BBS9: variants seen among roughly 807,000 people sequenced by gnomAD.
BBS9 encodes protein PTHB1.
BBS9 carries 89 observed loss-of-function variants against 117.7 expected under a neutral mutation model. The ratio of observed to expected loss-of-function variants is 0.76; its 90% CI spans 0.64 to 0.90. The LOEUF is 0.90. Ranked by LOEUF, BBS9 falls within the 40% of genes least tolerant of loss-of-function variation. The pLI, the probability that BBS9 is intolerant of heterozygous loss-of-function variation, is 0.00. For synonymous variants in BBS9, 379 were observed against 370.9 expected, an observed-to-expected ratio of 1.02 and a Z score of -0.25; for missense variants, 982 against 1,042.2, an observed-to-expected ratio of 0.94 and a Z score of 0.80.
chr7:33,411,011 G>GTTTTCTTTTTTTTTTTTT (rs1831033488), intron 19 of BBS9, among the ~76,000 whole-genome samples: 1 of 96,424 alleles, frequency 1.0e-5, no homozygotes, highest in South Asian at 3.8e-4. Flanking sequence ...AAATGTTGGT[G>GTTTTCTTTTTTTTTTTTT]TTTTTTTTTT....
rs978623990 is a variant in BBS9 at position 33,388,154 on chromosome 7, A to G, written c.2115+10A>G. The G allele has an allele frequency of 6.2e-7, 1 of 1,613,810 alleles. No individual in the cohort carries two copies. The highest frequency in any genetic ancestry group is 1.3e-5 in the African/African-American group (1 of 75,050). On this transcript the variant is annotated intron_variant, in intron 19 of 22. Coordinates refer to ENST00000242067, the MANE Select transcript of BBS9 (RefSeq NM_198428.3). Reference sequence around the variant, plus strand: ...TGGAACCTACAAGCAGGTCAGTATAATATCAGTAACAGTTTTCTATTACTG... The same window carrying G: ...TGGAACCTACAAGCAGGTCAGTATAGTATCAGTAACAGTTTTCTATTACTG...
chr7:33,548,879 C>G (rs1853879383), intron 21 of BBS9, among the ~76,000 whole-genome samples: 1 of 150,378 alleles, frequency 6.6e-6, no homozygotes, highest in Non-Finnish European at 1.5e-5. Context: ...TCAATGCCAT[C>G]CCCATCAAGC....
intron 19 of BBS9, among the ~76,000 whole-genome samples, chr7:33,465,339 C>T (rs1840012203): frequency 6.6e-6 from 1 of 151,074 alleles, no homozygotes; most frequent in Admixed American, 6.6e-5. Context: ...TTTCCCAATG[C>T]AGATCTCTTC....
chr7:33,319,757 C>A (rs1430684580), intron 9 of BBS9, among the ~76,000 whole-genome samples: 1 of 152,080 alleles, frequency 6.6e-6, no homozygotes, highest in African/African-American at 2.4e-5. Flanking sequence ...GAACAGTCAG[C>A]AGAGTAAACA....
chr7:33,572,773 C>T (rs1323831548), intron 21 of BBS9, among the ~76,000 whole-genome samples: 3 of 152,060 alleles, frequency 2.0e-5, no homozygotes, highest in Non-Finnish European at 2.9e-5. Flanking sequence ...ATCTTTTACC[C>T]ATTTTTAATT....
chr7:33,284,268 A>C lies in BBS9; in HGVS notation c.1016+10312A>C, dbSNP rs555262665. Among the ~76,000 whole-genome samples, 150 of 152,200 alleles carry C rather than the reference A, an allele frequency of 9.9e-4. 1 individual carries two copies. The highest frequency in any genetic ancestry group is 3.4e-3 in the African/African-American group (141 of 41,536). ...TGATTGTGACTGTAGTCATTTCCTC[A>C]TTCAATTTCCTTTTTTTGGGAGGTG... is the stretch of plus-strand genomic sequence containing the variant. On this transcript the variant is annotated intron_variant, in intron 9 of 22. Transcript: ENST00000242067.
chr7:33,501,230 A>G (rs912981482), intron 19 of BBS9, among the ~76,000 whole-genome samples: 9 of 152,120 alleles, frequency 5.9e-5, no homozygotes, highest in Non-Finnish European at 1.0e-4. Flanking sequence ...TAGTTTTTCC[A>G]GTCTTTTTAC....
chr7:33,463,237 G>A (rs976582008), intron 19 of BBS9, among the ~76,000 whole-genome samples: 17 of 152,016 alleles, frequency 1.1e-4, no homozygotes, highest in African/African-American at 3.9e-4. Flanking sequence ...CTTGCTTAGC[G>A]TCACGTAGAC....
At chr7:33,134,151 G>A (rs1185095481) in intron 1 of BBS9, among the ~76,000 whole-genome samples, 2 of 151,566 alleles carry the variant, frequency 1.3e-5, no homozygotes, top group East Asian at 3.9e-4. Flanking sequence ...CCAGGTTCAA[G>A]CAATTCTCCT....
intron 21 of BBS9, among the ~76,000 whole-genome samples, chr7:33,564,632 A>G (rs1241802127): frequency 6.6e-6 from 1 of 152,188 alleles, no homozygotes; most frequent in Non-Finnish European, 1.5e-5. Context: ...GATGTTCTGA[A>G]ACTGCGATAG....
At chr7:33,417,371 A>AT (rs1832180795) in intron 19 of BBS9, among the ~76,000 whole-genome samples, 1 of 152,328 alleles carries the variant, frequency 6.6e-6, no homozygotes, top group African/African-American at 2.4e-5. Context: ...GTTATAATTC[A>AT]TTTAAGTTGG....
intron 9 of BBS9, among the ~76,000 whole-genome samples, chr7:33,290,434 A>C (rs1803796438): frequency 6.6e-6 from 1 of 152,168 alleles, no homozygotes; most frequent in African/African-American, 2.4e-5. Context: ...AAGTTATCTC[A>C]CTGCTTTTTC....
chr7:33,150,153 T>G (rs1035108914), intron 2 of BBS9, among the ~76,000 whole-genome samples: 1 of 152,208 alleles, frequency 6.6e-6, no homozygotes, highest in Admixed American at 6.5e-5. Flanking sequence ...AATCAGTCTC[T>G]GAATGAGCTT....
At chr7:33,506,536 A>G (rs1168308936) in intron 20 of BBS9, among the ~76,000 whole-genome samples, 1 of 152,190 alleles carries the variant, frequency 6.6e-6, no homozygotes, top group Non-Finnish European at 1.5e-5. Flanking sequence ...AGGTAGTTAA[A>G]GTACTGTTTC....
intron 5 of BBS9, among the ~76,000 whole-genome samples, chr7:33,231,423 T>C (rs1291000312): frequency 8.4e-6 from 1 of 119,400 alleles, no homozygotes; most frequent in Non-Finnish European, 1.7e-5. Context: ...CTCTGGCCTA[T>C]GTGTCTTTTT....
intron 19 of BBS9, among the ~76,000 whole-genome samples, chr7:33,469,997 T>C (rs1223704938): frequency 1.3e-5 from 2 of 152,194 alleles, no homozygotes; most frequent in Admixed American, 1.3e-4. Flanking sequence ...TAATAGCAGA[T>C]GTTGCTGTGT....
At chr7:33,405,105 T>G (rs1478873960) in intron 19 of BBS9, among the ~76,000 whole-genome samples, 1 of 152,230 alleles carries the variant, frequency 6.6e-6, no homozygotes, top group African/African-American at 2.4e-5. Flanking sequence ...GAGATAATCA[T>G]GTGTTTTTTG....
chr7:33,461,495 A>G (rs948577463), intron 19 of BBS9, among the ~76,000 whole-genome samples: 1 of 151,916 alleles, frequency 6.6e-6, no homozygotes, highest in Admixed American at 6.6e-5. Flanking sequence ...ACTTTGGATA[A>G]TTTCCATATT....
At chr7:33,359,870 G>C (rs1432024300) in intron 16 of BBS9, among the ~76,000 whole-genome samples, 1 of 151,990 alleles carries the variant, frequency 6.6e-6, no homozygotes, top group Admixed American at 6.6e-5. Flanking sequence ...AAAGAAATGT[G>C]AAATTTAGAA....
Sources: allele counts gnomAD v4.1 joint callset (sites outside exome capture counted in the v4.1 genomes callset), GRCh38; gene constraint gnomAD v4.1.1; transcripts MANE v1.5; gene names NCBI Gene and HGNC (gene_info 2026-07-23, HGNC 2026-07-21).